Variants in TTLL9 observed in about 807,000 individuals in gnomAD.
The protein encoded by TTLL9 is tubulin tyrosine ligase like 9, also known as probable tubulin polyglutamylase TTLL9.
A neutral mutation model predicts 65.6 loss-of-function variants in TTLL9; 47 were observed. The observed-to-expected ratio is 0.72, with a 90% CI of 0.57 to 0.91. The LOEUF (loss-of-function observed/expected upper bound fraction) is 0.91. Among genes scored for constraint, TTLL9 ranks in the 40% least tolerant of loss-of-function variants. TTLL9 has a pLI of 0.00. For missense variants in TTLL9, 537 were observed against 568.8 expected (o/e 0.94, Z 0.57); for synonymous variants, 179 against 204.8 (o/e 0.87, Z 1.07).
At chr20:31,926,000 C>A in intron 9 of TTLL9, 49 bp from the exon 10 acceptor site, 9 of 1,611,370 alleles carry the variant, frequency 5.6e-6, no homozygotes, top group Non-Finnish European at 6.8e-6. Context: ...GACACACCTA[C>A]CCCTTCCCAC....
At chr20:31,935,855 G>C (rs1395641292) in intron 12 of TTLL9, among the ~76,000 whole-genome samples, 1 of 152,206 alleles carries the variant, frequency 6.6e-6, no homozygotes, top group Non-Finnish European at 1.5e-5. Flanking sequence ...GCTGCCCTTA[G>C]GCCTGGACAA....
chr20:31,877,695 T>C (rs2063055929), intron 2 of TTLL9, among the ~76,000 whole-genome samples: 1 of 152,232 alleles, frequency 6.6e-6, no homozygotes, highest in Admixed American at 6.5e-5. Flanking sequence ...GCCACCTCTA[T>C]TATACATCAA....
chr20:31,938,546 T>G (rs1280988596), intron 13 of TTLL9, among the ~76,000 whole-genome samples: 2 of 151,578 alleles, frequency 1.3e-5, no homozygotes, highest in African/African-American at 2.4e-5. Context: ...CTTTATGGAG[T>G]TTAAGGTCTG....
intron 4 of TTLL9, among the ~76,000 whole-genome samples, chr20:31,900,262 A>G (rs2063458113): frequency 6.6e-6 from 1 of 152,166 alleles, no homozygotes. Context: ...TGATCTTTTA[A>G]TCATCCCAAC....
At position 31,919,805 on chromosome 20, in the gene TTLL9, G is replaced by A. The variant is rs985227179; in HGVS notation, c.505-59G>A. 1.4e-5 allele frequency: 20 copies of A among 1,410,312 alleles called. 1 individual carries two copies. The highest frequency in any genetic ancestry group is 1.8e-4 in the Middle Eastern group (1 of 5,420). 87.4% of individuals were successfully genotyped at this position (1,410,312 alleles called of 1,614,324 possible). A position where few individuals can be genotyped will look rare whatever the true frequency, so the allele number is the denominator to read the frequency against. ...TGCTGGGGAGAGCCCCCAGCCACGG[G>A]GGCCAACAAGGAACCACGCAGAGCT... On this transcript the variant is annotated intron_variant, in intron 6 of 14. Coordinates refer to ENST00000535842, the MANE Select transcript of TTLL9 (RefSeq NM_001008409.5).
chr20:31,891,138 G>A (rs185553848), intron 3 of TTLL9, among the ~76,000 whole-genome samples: 11 of 152,282 alleles, frequency 7.2e-5, no homozygotes, highest in Admixed American at 3.3e-4. Flanking sequence ...AAAACCGCCC[G>A]GTGACCCTGC....
chr20:31,908,822 G>T (rs2123501720), intron 5 of TTLL9, 120 bp downstream of exon 5: 3 of 822,376 alleles, frequency 3.6e-6, no homozygotes, highest in African/African-American at 1.7e-5. Flanking sequence ...AACGCCGAGT[G>T]GGAAGTCTGC....
At chr20:31,927,051 G>A (rs946580087) in intron 10 of TTLL9, among the ~76,000 whole-genome samples, 2 of 151,954 alleles carry the variant, frequency 1.3e-5, no homozygotes, top group African/African-American at 4.8e-5. Flanking sequence ...GGAGTTCCAG[G>A]CTGCAGTGAG....
chr20:31,890,002 CTT>C (rs1187283530), intron 3 of TTLL9, among the ~76,000 whole-genome samples: 2 of 139,316 alleles, frequency 1.4e-5, no homozygotes, highest in African/African-American at 3.0e-5. Flanking sequence ...TTCTTTCTTT[CTT>C]TCTTTCTTTC....
intron 4 of TTLL9, 23 bp downstream of exon 4, chr20:31,898,588 G>C: frequency 6.2e-7 from 1 of 1,604,568 alleles, no homozygotes; most frequent in South Asian, 1.1e-5. Context: ...CCCCAGCCTT[G>C]TCCCTCCTTC....
At chr20:31,875,774 G>A (rs990403383) in intron 2 of TTLL9, among the ~76,000 whole-genome samples, 1 of 152,094 alleles carries the variant, frequency 6.6e-6, no homozygotes, top group Admixed American at 6.5e-5. Context: ...CCATTGTGTT[G>A]TTTAAATAAA....
intron 10 of TTLL9, among the ~76,000 whole-genome samples, chr20:31,929,041 A>G (rs1436288244): frequency 1.3e-5 from 2 of 152,170 alleles, no homozygotes; most frequent in Non-Finnish European, 2.9e-5. Flanking sequence ...GTGCCTGGCT[A>G]ACTTGTTTTT....
intron 7 of TTLL9, chr20:31,920,547 G>A (rs2063801820): frequency 6.5e-6 from 1 of 152,734 alleles, no homozygotes. Context: ...GGGTGGGTGG[G>A]AGGAGCAGGA....
chr20:31,898,397 C>A, intron 3 of TTLL9, 76 bp from the exon 4 acceptor site: 1 of 1,319,412 alleles, frequency 7.6e-7, no homozygotes, highest in Non-Finnish European at 1.1e-6. Context: ...ACTTCTCTTC[C>A]TCCTTTTTTC....
chr20:31,891,400 G>A (rs969565959), intron 3 of TTLL9, among the ~76,000 whole-genome samples: 4 of 151,974 alleles, frequency 2.6e-5, no homozygotes, highest in African/African-American at 9.7e-5. Flanking sequence ...GATGGATTTT[G>A]AAATTGTATC....
chr20:31,943,058 GC>G lies in TTLL9; in HGVS notation c.*39del. 6.3e-7 allele frequency: 1 copy of G among 1,586,192 alleles called. No individual in the cohort carries two copies. Reference sequence around the variant, plus strand: ...CAGGAGGAAATCAGCCTTAGCAGGTGCCACCCAGGCCTCCCCCCCACTCCCA... The same window carrying G: ...CAGGAGGAAATCAGCCTTAGCAGGTGCACCCAGGCCTCCCCCCCACTCCCA... On this transcript the variant is annotated 3_prime_UTR_variant, in exon 15 of 15. Coordinates refer to ENST00000535842, the MANE Select transcript of TTLL9 (RefSeq NM_001008409.5).
intron 2 of TTLL9, among the ~76,000 whole-genome samples, chr20:31,873,809 GAAGGAAGGAAGGAAGAAAGAAAGAAAGA>G (rs1233453838): frequency 2.6e-3 from 198 of 75,452 alleles, no homozygotes; most frequent in African/African-American, 4.7e-3. Context: ...AGGAAGGAAG[GAAGGAAGGAAGGAAGAAAGAAAGAAAGA>G]AAGAAAGAAA....
chr20:31,897,003 T>C (rs938830582), intron 3 of TTLL9, among the ~76,000 whole-genome samples: 11 of 152,254 alleles, frequency 7.2e-5, no homozygotes, highest in Non-Finnish European at 1.5e-4. Flanking sequence ...TCTTGTGTAC[T>C]GTCTTTGGTT....
chr20:31,929,159 G>A (rs900604224), intron 10 of TTLL9, among the ~76,000 whole-genome samples: 4 of 152,178 alleles, frequency 2.6e-5, no homozygotes, highest in Non-Finnish European at 5.9e-5. Flanking sequence ...ATCTTCCAAG[G>A]TGCTGGGATT....
Sources: gnomAD v4.1 joint callset for allele counts (sites outside exome capture counted in the v4.1 genomes callset) on GRCh38, gnomAD v4.1.1 for gene constraint, MANE v1.5 for transcripts, NCBI Gene and HGNC (gene_info 2026-07-23, HGNC 2026-07-21) for gene names.